Variants in ZNF292 observed in about 807,000 individuals in gnomAD.
The protein encoded by ZNF292 is zinc finger protein 292, also known as 16 zinc-finger domain protein.
Under a neutral mutation model 217.9 loss-of-function variants are expected in ZNF292, and 26 were observed. That is an observed-to-expected ratio of 0.12 (90% CI 0.09 to 0.17). The LOEUF (loss-of-function observed/expected upper bound fraction) is 0.17. Ranked by LOEUF, ZNF292 falls within the 10% of genes least tolerant of loss-of-function variation. The pLI is 1.00. For missense variants in ZNF292, 2,904 were observed against 3,175.2 expected (o/e 0.91, Z 2.05); for synonymous variants, 1,257 against 1,124.1 (o/e 1.12, Z -2.37).
rs1450430291 is a variant in ZNF292 at position 87,155,569 on chromosome 6, A to G, written c.-23A>G. 1.3e-6 allele frequency: 2 copies of G among 1,566,540 alleles called. No homozygotes were observed. Among genetic ancestry groups the G allele is most frequent in the East Asian group, 2.4e-5 (1 of 42,310 alleles). On this transcript the variant is annotated 5_prime_UTR_variant, in exon 1 of 8. Coordinates refer to ENST00000369577, the MANE Select transcript of ZNF292 (RefSeq NM_015021.3). ...GTGTTATCACGTGACCCAGGTGCGT[A>G]CGCGACGGAGCGGGGTGTGAAGATG... is the stretch of plus-strand genomic sequence containing the variant.
At chr6:87,158,560 G>C (rs111702070) in intron 1 of ZNF292, among the ~76,000 whole-genome samples, 3,523 of 152,278 alleles carry the variant, frequency 0.023, 129 homozygotes, top group African/African-American at 0.081. Context: ...TGTAGTCCCA[G>C]CTACTTACGA....
In ZNF292 at chr6:87,257,139, A is replaced by T; in HGVS notation, c.3510A>T (p.Ser1170=). 2 of 1,613,874 alleles carry T rather than the reference A, an allele frequency of 1.2e-6. No individual in the cohort carries two copies. Among genetic ancestry groups the T allele is most frequent in the Non-Finnish European group, 1.7e-6 (2 of 1,179,848 alleles). The change falls in exon 8 of 8, where the codon TCA becomes TCT. Residue 1170 remains serine (S), a synonymous_variant. Transcript: ENST00000369577. ...ACAGCTCAAATCCATTTTTTACATC[A>T]CAGACCAAAGCCAATGGGAATCCTG... ...PVNSSNPFFT[S]QTKANGNPAC...
chr6:87,249,721 T>C (rs1050320343), intron 7 of ZNF292, among the ~76,000 whole-genome samples: 4 of 152,126 alleles, frequency 2.6e-5, no homozygotes, highest in Non-Finnish European at 5.9e-5. Flanking sequence ...CCTTTTTTTT[T>C]CTTTTTGTTA....
Position 87,257,636 on chromosome 6 carries a change from A to G in ZNF292, c.4007A>G (p.Gln1336Arg), listed in dbSNP as rs1775304178. The G allele has an allele frequency of 6.2e-7, 1 of 1,608,984 alleles. No individual in the cohort carries two copies. The highest frequency in any genetic ancestry group is 8.5e-7 in the Non-Finnish European group (1 of 1,177,344). The change falls in exon 8 of 8, where the codon CAA becomes CGA. Residue 1336 changes from glutamine to arginine, a missense_variant. Around this residue, in one of 15 missense-constraint regions of ZNF292, gnomAD observed 687 missense variants for 623.0 expected, o/e 1.10. Transcript: ENST00000369577. ...VANNFSSTNA[Q>R]QSAPEKVKKD... ...AATAACTTCAGTAGCACCAATGCCCAACAGTCTGCACCTGAAAAAGTTAAA... is the reference window on the plus strand; with the variant it reads ...AATAACTTCAGTAGCACCAATGCCCGACAGTCTGCACCTGAAAAAGTTAAA...
rs1220052463 is a variant in ZNF292, at chr6:87,262,489, T to A, written c.*688T>A. Reference sequence around the variant, plus strand: ...TCATGTGAAATTAAAGCAGATTCTCTAGCAGTTTCCTATAGCTACAGTTTT... The same window carrying A: ...TCATGTGAAATTAAAGCAGATTCTCAAGCAGTTTCCTATAGCTACAGTTTT... On this transcript the variant is annotated 3_prime_UTR_variant, in exon 8 of 8. Transcript: ENST00000369577. 1 of 151,176 alleles carries A rather than the reference T, an allele frequency of 6.6e-6. No homozygotes were observed. Among genetic ancestry groups the A allele is most frequent in the Non-Finnish European group, 1.5e-5 (1 of 67,820 alleles). The allele number at this position is 151,176 out of a possible 1,614,324, so 9.4% of individuals were successfully genotyped here.
rs1390529035 is a variant in ZNF292 at position 87,264,762 on chromosome 6, C to G, written c.*2961C>G. On this transcript the variant is annotated 3_prime_UTR_variant, in exon 8 of 8. Transcript: ENST00000369577. ...AGTGTTCTTGTATGCTGTATTAAGT[C>G]TTTATTTTGGTTTTTGAAAATTGTT... 6.6e-6 allele frequency among the ~76,000 whole-genome samples: 1 copy of G among 152,046 alleles called. No homozygotes were observed. The highest frequency in any genetic ancestry group is 2.4e-5 in the African/African-American group (1 of 41,388).
intron 4 of ZNF292, among the ~76,000 whole-genome samples, chr6:87,225,286 A>G (rs940609819): frequency 2.0e-5 from 3 of 152,074 alleles, no homozygotes; most frequent in African/African-American, 7.2e-5. Context: ...GTGTTTTGCA[A>G]ATCTTTTCTT....
At chr6:87,210,992 T>G (rs781287035) in intron 1 of ZNF292, among the ~76,000 whole-genome samples, 11 of 152,204 alleles carry the variant, frequency 7.2e-5, no homozygotes, top group Non-Finnish European at 1.5e-4. Context: ...TATTAGAAAC[T>G]AATTCAAATA....
intron 1 of ZNF292, among the ~76,000 whole-genome samples, chr6:87,196,242 T>C (rs948260885): frequency 6.6e-6 from 1 of 152,232 alleles, no homozygotes; most frequent in African/African-American, 2.4e-5. Context: ...ATTTCCAAAG[T>C]CATGAAGTAT....
intron 4 of ZNF292, among the ~76,000 whole-genome samples, chr6:87,231,060 C>A (rs1028601590): frequency 7.2e-5 from 11 of 151,810 alleles, no homozygotes; most frequent in Non-Finnish European, 1.5e-4. Flanking sequence ...GTCTTTGTTG[C>A]AATATTGTAA....
chr6:87,163,308 G>A (rs1335599228), intron 1 of ZNF292, among the ~76,000 whole-genome samples: 1 of 151,954 alleles, frequency 6.6e-6, no homozygotes, highest in South Asian at 2.1e-4. Context: ...AAAATTAGCC[G>A]GGTGTGGTGA....
chr6:87,241,799 T>TC (rs1021112156), intron 5 of ZNF292, among the ~76,000 whole-genome samples: 2 of 152,132 alleles, frequency 1.3e-5, no homozygotes, highest in Non-Finnish European at 2.9e-5. Context: ...ATACAGGTGG[T>TC]CCCCCAATTT....
chr6:87,192,506 C>T (rs756384964), intron 1 of ZNF292, among the ~76,000 whole-genome samples: 7 of 151,960 alleles, frequency 4.6e-5, no homozygotes, highest in Non-Finnish European at 7.4e-5. Context: ...GACGATTTTA[C>T]GTTTTTTATC....
intron 1 of ZNF292, among the ~76,000 whole-genome samples, chr6:87,194,354 G>A (rs1329373760): frequency 2.6e-5 from 4 of 151,210 alleles, no homozygotes; most frequent in Non-Finnish European, 5.9e-5. Context: ...TAATATTTAT[G>A]TAAAATTAGA....
chr6:87,202,181 C>G (rs141664272), intron 1 of ZNF292, among the ~76,000 whole-genome samples: 6 of 152,260 alleles, frequency 3.9e-5, no homozygotes, highest in East Asian at 1.9e-4. Flanking sequence ...CTTCCACTAT[C>G]TATGTATGTG....
At position 87,261,254 on chromosome 6, in the gene ZNF292, A is replaced by G. The variant is rs372895982; in HGVS notation, c.7625A>G (p.Asn2542Ser). The G allele has an allele frequency of 8.1e-6, 13 of 1,610,430 alleles. No homozygotes were observed. In the Admixed American group the frequency reaches 1.2e-4, roughly 15 times the overall value. Residue 2542 changes from asparagine to serine, a missense_variant, in exon 8 of 8, where the codon AAT becomes AGT. Physicochemically the swap from Asn to Ser is conservative, Grantham distance 46. Transcript: ENST00000369577. ...RVNKEKNVSQ[N>S]KKRKVEKAEP... ...AATAAGGAAAAAAATGTCTCACAAA[A>G]TAAAAAAAGGAAAGTTGAAAAAGCT...
intron 7 of ZNF292, among the ~76,000 whole-genome samples, chr6:87,247,256 C>T (rs929075690): frequency 1.4e-5 from 2 of 139,256 alleles, no homozygotes; most frequent in South Asian, 4.6e-4. Context: ...TCACCACCGC[C>T]CCCTGCCACC....
At chr6:87,160,684 G>A (rs974286692) in intron 1 of ZNF292, among the ~76,000 whole-genome samples, 6 of 150,322 alleles carry the variant, frequency 4.0e-5, no homozygotes, top group Non-Finnish European at 5.9e-5. Flanking sequence ...ATGTGTGTGT[G>A]TATATATATA....
intron 4 of ZNF292, among the ~76,000 whole-genome samples, chr6:87,228,205 G>A (rs1044443598): frequency 1.3e-5 from 2 of 151,922 alleles, no homozygotes; most frequent in Admixed American, 1.3e-4. Flanking sequence ...TGTTTCGTAT[G>A]CTTGTTGGCC....
Sources: allele counts gnomAD v4.1 joint callset (sites outside exome capture counted in the v4.1 genomes callset), GRCh38; gene constraint gnomAD v4.1.1; regional missense constraint gnomAD v4.1.1; transcripts MANE v1.5; gene names NCBI Gene and HGNC (gene_info 2026-07-23, HGNC 2026-07-21).